Variants in MYMK observed in about 807,000 individuals in gnomAD.
The protein encoded by MYMK is myomaker, myoblast fusion factor, also known as protein myomaker.
Under a neutral mutation model 22.4 loss-of-function variants are expected in MYMK, and 16 were observed. That is an observed-to-expected ratio of 0.72 (90% CI 0.48 to 1.09). MYMK has a LOEUF of 1.09. MYMK is among the 50% of genes least tolerant of loss of function. The probability of loss-of-function intolerance (pLI) is 0.00; values close to 1 mark genes in which losing one functional copy is unlikely to be tolerated. For missense variants in MYMK, 250 were observed against 295.6 expected (o/e 0.85, Z 1.13); for synonymous variants, 125 against 127.0 (o/e 0.98, Z 0.11).
chr9:133,522,584 G>A (rs1475025244), intron 1 of MYMK, among the ~76,000 whole-genome samples: 2 of 152,214 alleles, frequency 1.3e-5, no homozygotes, highest in Admixed American at 6.5e-5. Context: ...TGGGGCCTCT[G>A]AGACCAGTGC....
intron 2 of MYMK, 61 bp from the exon 3 acceptor site, chr9:133,519,083 C>T: frequency 1.3e-6 from 2 of 1,594,810 alleles, no homozygotes; most frequent in Non-Finnish European, 8.5e-7. Context: ...TCCTGGCTAC[C>T]CCCCCACCCC....
chr9:133,516,475 C>T (rs1040468153), intron 3 of MYMK, among the ~76,000 whole-genome samples: 10 of 152,156 alleles, frequency 6.6e-5, no homozygotes, highest in Admixed American at 1.3e-4. Context: ...AGACACACAG[C>T]GTGTGGCACA....
chr9:133,514,827 C>T, intron 4 of MYMK, 42 bp from the exon 5 acceptor site: 1 of 1,590,342 alleles, frequency 6.3e-7, no homozygotes, highest in Non-Finnish European at 8.6e-7. Context: ...CAGCCCCCTC[C>T]CCGAGGCTCC....
At chr9:133,516,144 A>C (rs568807208) in intron 3 of MYMK, among the ~76,000 whole-genome samples, 1 of 152,376 alleles carries the variant, frequency 6.6e-6, no homozygotes, top group Admixed American at 6.5e-5. Context: ...GTGCTTAGGA[A>C]GGCTCGCGTG....
rs764596592 is a variant in MYMK, at chr9:133,518,917, G to A, written c.356C>T (p.Ser119Leu). 1.5e-5 allele frequency: 25 copies of A among 1,613,584 alleles called. No homozygotes were observed. The East Asian group carries it at 4.9e-4, about 32-fold the overall frequency. The change falls in exon 3 of 5, where the codon TCG (serine) becomes TTG (leucine). Residue 119 changes from serine to leucine, a missense_variant. Physicochemically the swap from Ser to Leu is moderately radical, Grantham distance 145. Coordinates refer to ENST00000339996, the MANE Select transcript of MYMK (RefSeq NM_001080483.3). ...GAGGATGGCTGTGCCGATGGGGCCC[G>A]AGTACACCCCGTAGCCCCATCGGTC... Reference protein sequence around the residue: ...YHDRWGYGVYSGPIGTAILII... With the variant: ...YHDRWGYGVYLGPIGTAILII...
chr9:133,517,683 A>T (rs1588265126), intron 3 of MYMK, among the ~76,000 whole-genome samples: 1 of 115,188 alleles, frequency 8.7e-6, no homozygotes, highest in Non-Finnish European at 1.9e-5. Flanking sequence ...AAAAAAAAAA[A>T]AGTCAGGTTC....
intron 3 of MYMK, among the ~76,000 whole-genome samples, chr9:133,516,651 A>G (rs1489198641): frequency 6.6e-6 from 1 of 152,206 alleles, no homozygotes; most frequent in African/African-American, 2.4e-5. Context: ...CCAACAAGGA[A>G]TTGAGCACCT....
rs868184326 is a variant in MYMK at position 133,522,010 on chromosome 9, C to T, written c.136-1722G>A. Among the ~76,000 whole-genome samples, 4 of 152,336 alleles carry T rather than the reference C, an allele frequency of 2.6e-5. No homozygotes were observed. In the South Asian group the frequency reaches 8.3e-4, roughly 32 times the overall value. On this transcript the variant is annotated intron_variant, in intron 1 of 4. Transcript: ENST00000339996. ...CTGCATGTGTTCAGGGAGGGGGACG[C>T]CAGGCTCTGAGAATTCTAAAGGACA...
chr9:133,515,557 G>A lies in MYMK; in HGVS notation c.450C>T (p.Tyr150=), dbSNP rs1235495206. 6.2e-7 allele frequency: 1 copy of A among 1,614,110 alleles called. No individual in the cohort carries two copies. Residue 150 remains tyrosine, a synonymous_variant, in exon 4 of 5, where the codon TAC becomes TAT. Transcript: ENST00000339996. This position sits in a 1 kb window ranked among gnomAD's most constrained non-coding sequence, Gnocchi z 5.8. Reference sequence around the variant, plus strand: ...AGAGGCCGGGGCCTATCTGCTGGGTGTAGACGCTCTTGTCTGGGTACAGGC... The same window carrying A: ...AGAGGCCGGGGCCTATCTGCTGGGTATAGACGCTCTTGTCTGGGTACAGGC... ...KKGLYPDKSV[Y]TQQIGPGLCF... is the part of the protein sequence containing the mutation.
chr9:133,524,403 T>C (rs979226995), intron 1 of MYMK, among the ~76,000 whole-genome samples: 2 of 151,976 alleles, frequency 1.3e-5, no homozygotes, highest in Non-Finnish European at 2.9e-5. Context: ...GATTAGCAGC[T>C]GAGAAAAGGG....
intron 1 of MYMK, among the ~76,000 whole-genome samples, chr9:133,522,343 C>CGGTGG (rs1554808691): frequency 6.2e-4 from 87 of 140,144 alleles, no homozygotes; most frequent in South Asian, 1.4e-3. Flanking sequence ...GAGTGGCTGT[C>CGGTGG]GGGGGGGGGC....
chr9:133,515,535 G>A lies in MYMK; in HGVS notation c.472C>T (p.Leu158Phe), dbSNP rs1844621470. 6.2e-7 allele frequency: 1 copy of A among 1,613,984 alleles called. No individual in the cohort carries two copies. Residue 158 changes from leucine to phenylalanine, a missense_variant, in exon 4 of 5, where the codon CTC (leucine) becomes TTC (phenylalanine). Transcript: ENST00000339996. The surrounding 1 kb of genome is among the most constrained non-coding windows in gnomAD (Gnocchi z 5.8). ...ATCAGGGCCAGCGCCCCGAAGCAGAGGCCGGGGCCTATCTGCTGGGTGTAG... is the reference window on the plus strand; with the variant it reads ...ATCAGGGCCAGCGCCCCGAAGCAGAAGCCGGGGCCTATCTGCTGGGTGTAG... Reference protein sequence around the residue: ...SVYTQQIGPGLCFGALALMLR... With the variant: ...SVYTQQIGPGFCFGALALMLR...
intron 1 of MYMK, among the ~76,000 whole-genome samples, chr9:133,521,227 A>G (rs1386918765): frequency 1.3e-5 from 2 of 152,378 alleles, no homozygotes; most frequent in African/African-American, 2.4e-5. Context: ...CTCCTTTTGC[A>G]TTCGCATTTC....
chr9:133,519,120 T>G, intron 2 of MYMK, 98 bp from the exon 3 acceptor site: 1 of 1,463,518 alleles, frequency 6.8e-7, no homozygotes, highest in Non-Finnish European at 9.3e-7. Flanking sequence ...ATCCTGTAGA[T>G]GCCCTCTCTC....
intron 2 of MYMK, among the ~76,000 whole-genome samples, chr9:133,519,243 T>G (rs1844669935): frequency 6.6e-6 from 1 of 152,026 alleles, no homozygotes; most frequent in Non-Finnish European, 1.5e-5. Flanking sequence ...ACACAGCAGC[T>G]TGGATTGTGC....
In MYMK at chr9:133,518,524, C is replaced by T. The variant is rs116499116; in HGVS notation, c.399+350G>A. 2.1e-3 allele frequency among the ~76,000 whole-genome samples: 316 copies of T among 152,366 alleles called. 2 individuals are homozygous for T. The highest frequency in any genetic ancestry group is 7.2e-3 in the African/African-American group (298 of 41,596). ...TGTGCGGAGCACATTGGAAGCCAGG[C>T]TCCATGCCAGGACTTCAGGTGCCTG... On this transcript the variant is annotated intron_variant, in intron 3 of 4. Coordinates refer to ENST00000339996, the MANE Select transcript of MYMK (RefSeq NM_001080483.3).
intron 3 of MYMK, among the ~76,000 whole-genome samples, chr9:133,516,992 C>T (rs1458237751): frequency 6.6e-6 from 1 of 152,184 alleles, no homozygotes; most frequent in Non-Finnish European, 1.5e-5. Context: ...AATTTGAGCC[C>T]CAGATGCGGG....
chr9:133,518,844 C>A, intron 3 of MYMK, 30 bp downstream of exon 3: 1 of 1,591,886 alleles, frequency 6.3e-7, no homozygotes, highest in Non-Finnish European at 8.6e-7. Flanking sequence ...CTCCTGGGTC[C>A]CCGTTCATCG....
In MYMK at chr9:133,515,650, A is replaced by G; in HGVS notation, c.400-43T>C. ...CACAGCAAAGCTTTTAGGTCACAGC[A>G]CTGGGGAACGCCCCTCCCCAAACCA... On this transcript the variant is annotated intron_variant, in intron 3 of 4. Transcript: ENST00000339996. This position sits in a 1 kb window ranked among gnomAD's most constrained non-coding sequence, Gnocchi z 5.8. 1 of 1,369,172 alleles carries G rather than the reference A, an allele frequency of 7.3e-7. No individual in the cohort carries two copies. The highest frequency in any genetic ancestry group is 1.0e-6 in the Non-Finnish European group (1 of 958,936). 84.8% of individuals were successfully genotyped at this position (1,369,172 alleles called of 1,614,324 possible).
Sources: gnomAD v4.1 joint callset for allele counts (sites outside exome capture counted in the v4.1 genomes callset) on GRCh38, gnomAD v4.1.1 for gene constraint, Gnocchi (gnomAD v3.1) non-coding constraint, MANE v1.5 for transcripts, NCBI Gene and HGNC (gene_info 2026-07-23, HGNC 2026-07-21) for gene names.